The following TENM2 variants were observed in gnomAD, a reference collection of about 807,000 sequenced individuals.
The protein encoded by TENM2 is teneurin transmembrane protein 2.
In TENM2, 52 loss-of-function variants were observed where a neutral mutation model predicts 245.2. That is an observed-to-expected ratio of 0.21 (90% CI 0.17 to 0.27). The LOEUF (loss-of-function observed/expected upper bound fraction) is 0.27, where lower values mean the gene tolerates loss of function less well. Ranked by LOEUF, TENM2 falls within the 10% of genes least tolerant of loss-of-function variation. The probability of loss-of-function intolerance (pLI) is 1.00; values close to 1 mark genes in which losing one functional copy is unlikely to be tolerated. For missense variants in TENM2, 3,046 were observed against 3,666.8 expected, an observed-to-expected ratio of 0.83 and a Z score of 4.37; for synonymous variants, 1,363 against 1,438.9, an observed-to-expected ratio of 0.95 and a Z score of 1.19.
chr5:168,182,714 C>A (rs1261261336), intron 13 of TENM2, among the ~76,000 whole-genome samples: 1 of 152,114 alleles, frequency 6.6e-6, no homozygotes, highest in East Asian at 1.9e-4. Flanking sequence ...CTAAGTTGCT[C>A]CCCAAGTGTC....
chr5:168,214,931 A>G (rs754589805), intron 20 of TENM2, 109 bp from the exon 23 acceptor site: 3 of 842,330 alleles, frequency 3.6e-6, no homozygotes, highest in Admixed American at 4.0e-5. Flanking sequence ...TAAAGTGGAA[A>G]GACACTAGAG....
chr5:167,021,078 A>C, the TENM2 span, among the ~76,000 whole-genome samples: 2 of 152,124 alleles, frequency 1.3e-5, no homozygotes, highest in African/African-American at 4.8e-5. Context: ...CAGGAGGGGG[A>C]GGTTGCAGTG....
chr5:167,905,457 T>C (rs1384436243), intron 3 of TENM2, among the ~76,000 whole-genome samples: 3 of 152,210 alleles, frequency 2.0e-5, no homozygotes, highest in Non-Finnish European at 2.9e-5. Context: ...ACGCTGTCAG[T>C]AGCTGGGCTA....
At chr5:167,634,293 C>G (rs1217569187) in intron 2 of TENM2, among the ~76,000 whole-genome samples, 1 of 152,142 alleles carries the variant, frequency 6.6e-6, no homozygotes, top group Non-Finnish European at 1.5e-5. Context: ...TGATATTTGG[C>G]ATAGAATTTG....
chr5:167,974,037 AG>A lies in TENM2; in HGVS notation c.948-18906del, dbSNP rs1283787051. On this transcript the variant is annotated intron_variant, in intron 4 of 28. Transcript: ENST00000518659. ...GGAGGGAGGGAGGAAGGAAGGAAGG[AG>A]AAGGAAGGAAGGGAGGAAAGGAGGG... is the stretch of plus-strand genomic sequence containing the variant. Among the ~76,000 whole-genome samples the A allele has an allele frequency of 0.04, 1,001 of 24,834 alleles. 25 individuals are homozygous for A. The East Asian group carries it at 0.53, about 13-fold the overall frequency. The allele number at this position is 24,834 out of a possible 152,430, so 16.3% of individuals were successfully genotyped here.
At chr5:167,722,872 A>G (rs1482738345) in intron 2 of TENM2, among the ~76,000 whole-genome samples, 1 of 152,236 alleles carries the variant, frequency 6.6e-6, no homozygotes, top group African/African-American at 2.4e-5. Context: ...TTTCTCCTAA[A>G]TATCAGAAAA....
chr5:167,206,319 A>G, the TENM2 span, among the ~76,000 whole-genome samples: 1 of 151,918 alleles, frequency 6.6e-6, no homozygotes, highest in Admixed American at 6.6e-5. Flanking sequence ...ACTGTGTTTT[A>G]TTATTTCTCT....
chr5:167,987,217 C>A (rs1158158014), intron 4 of TENM2, among the ~76,000 whole-genome samples: 2 of 152,072 alleles, frequency 1.3e-5, no homozygotes. Context: ...TATCTACTAA[C>A]AATCTGGTAT....
the TENM2 span, among the ~76,000 whole-genome samples, chr5:167,169,395 T>C: frequency 4.6e-5 from 7 of 152,192 alleles, no homozygotes; most frequent in Non-Finnish European, 1.0e-4. Context: ...GCTACTATTT[T>C]AGTGATTTTC....
At chr5:168,152,597 G>A (rs1488686695) in intron 12 of TENM2, among the ~76,000 whole-genome samples, 1 of 152,140 alleles carries the variant, frequency 6.6e-6, no homozygotes, top group Non-Finnish European at 1.5e-5. Context: ...TTTCCATACT[G>A]GTAGGTACCA....
At chr5:167,499,287 C>G (rs983745432) in intron 2 of TENM2, among the ~76,000 whole-genome samples, 21 of 152,070 alleles carry the variant, frequency 1.4e-4, no homozygotes, top group African/African-American at 5.1e-4. Context: ...GTAGAAAACT[C>G]TGGAGAAGTT....
intron 5 of TENM2, among the ~76,000 whole-genome samples, chr5:167,998,736 C>A (rs771281216): frequency 6.6e-6 from 1 of 152,106 alleles, no homozygotes. Flanking sequence ...GTAATTCCTG[C>A]CAAATGTGAA....
At chr5:167,631,693 G>A (rs1435139614) in intron 2 of TENM2, among the ~76,000 whole-genome samples, 1 of 152,024 alleles carries the variant, frequency 6.6e-6, no homozygotes, top group Non-Finnish European at 1.5e-5. Flanking sequence ...GCTCTCACTA[G>A]ACCTCACCCC....
chr5:167,183,372 G>A, the TENM2 span, among the ~76,000 whole-genome samples: 1 of 152,098 alleles, frequency 6.6e-6, no homozygotes, highest in African/African-American at 2.4e-5. Flanking sequence ...AGTCACAGTT[G>A]TCCTCTTAGC....
chr5:167,088,130 A>C, the TENM2 span, among the ~76,000 whole-genome samples: 3 of 152,120 alleles, frequency 2.0e-5, no homozygotes, highest in Non-Finnish European at 4.4e-5. Flanking sequence ...TCATGCTCAG[A>C]GTGGAACAAG....
At chr5:167,859,414 G>A (rs1179521203) in intron 2 of TENM2, among the ~76,000 whole-genome samples, 75 of 136,600 alleles carry the variant, frequency 5.5e-4, no homozygotes, top group African/African-American at 8.5e-4. Context: ...CAGCCGCCCC[G>A]TCCGGGAGGT....
chr5:167,907,945 C>T lies in TENM2; in HGVS notation c.712+31750C>T, dbSNP rs111963846. 4.0e-5 allele frequency among the ~76,000 whole-genome samples: 6 copies of T among 151,742 alleles called. No homozygotes were observed. The East Asian group carries it at 7.8e-4, about 20-fold the overall frequency. ...ACCTCTTAGGGGAGATAAAGTTCTC[C>T]GGTTAATAAAGACACCATGTTTATA... On this transcript the variant is annotated intron_variant, in intron 3 of 28. Coordinates refer to ENST00000518659, the Ensembl canonical transcript of TENM2.
At chr5:168,158,069 C>T (rs1435775773) in intron 12 of TENM2, among the ~76,000 whole-genome samples, 2 of 152,080 alleles carry the variant, frequency 1.3e-5, no homozygotes, top group African/African-American at 4.8e-5. Flanking sequence ...ATTACAGGCA[C>T]CTGCCACCAC....
chr5:167,141,171 C>T, the TENM2 span, among the ~76,000 whole-genome samples: 1 of 152,128 alleles, frequency 6.6e-6, no homozygotes, highest in Non-Finnish European at 1.5e-5. Context: ...CACTGCGATT[C>T]GCTTCATGCA....
Sources: gnomAD v4.1 joint callset for allele counts (sites outside exome capture counted in the v4.1 genomes callset) on GRCh38, gnomAD v4.1.1 for gene constraint, MANE v1.5 for transcripts, NCBI Gene and HGNC (gene_info 2026-07-23, HGNC 2026-07-21) for gene names.